Variants in ZNF567 observed in about 807,000 individuals in gnomAD.
ZNF567 encodes zinc finger protein 567.
ZNF567 carries 36 observed loss-of-function variants against 53.9 expected under a neutral mutation model. That is an observed-to-expected ratio of 0.67 (90% CI 0.51 to 0.88). The LOEUF (loss-of-function observed/expected upper bound fraction) is 0.88. Among genes scored for constraint, ZNF567 ranks in the 40% least tolerant of loss-of-function variants. The probability of loss-of-function intolerance (pLI) is 0.00; values close to 1 mark genes in which losing one functional copy is unlikely to be tolerated. For missense variants in ZNF567, 619 were observed against 764.7 expected (o/e 0.81, Z 2.25); for synonymous variants, 224 against 260.4 (o/e 0.86, Z 1.35).
At chr19:36,708,921 G>A (rs1460733729) in intron 3 of ZNF567, among the ~76,000 whole-genome samples, 2 of 152,084 alleles carry the variant, frequency 1.3e-5, no homozygotes, top group East Asian at 3.9e-4. Flanking sequence ...GATTGCCCTA[G>A]GATTACAGTA....
chr19:36,679,136 A>T, the ZNF567 span, among the ~76,000 whole-genome samples: 1 of 152,018 alleles, frequency 6.6e-6, no homozygotes, highest in Non-Finnish European at 1.5e-5. Context: ...AATACAAAAA[A>T]TTAACCAGGC....
the ZNF567 span, among the ~76,000 whole-genome samples, chr19:36,671,165 C>A: frequency 6.6e-6 from 1 of 152,158 alleles, no homozygotes; most frequent in Non-Finnish European, 1.5e-5. Flanking sequence ...GATGACATTA[C>A]ACTGATTCAA....
At chr19:36,687,187 T>TA (rs1479415707), upstream of ZNF567, 1 of 152,592 alleles carries the variant, frequency 6.6e-6, no homozygotes, top group Non-Finnish European at 1.5e-5. Context: ...TCTCAAACCC[T>TA]ACAGTGTCAC....
intron 3 of ZNF567, among the ~76,000 whole-genome samples, chr19:36,702,118 G>C (rs907782159): frequency 3.3e-5 from 5 of 151,856 alleles, no homozygotes; most frequent in African/African-American, 4.8e-5. Context: ...GGGCAGGCCT[G>C]GTGGTGACAA....
chr19:36,719,697 A>T lies in ZNF567; in HGVS notation c.973A>T (p.Thr325Ser). 6.2e-7 allele frequency: 1 copy of T among 1,613,976 alleles called. No individual in the cohort carries two copies. The highest frequency in any genetic ancestry group is 8.5e-7 in the Non-Finnish European group (1 of 1,179,986). Residue 325 changes from threonine (T) to serine (S), a missense_variant, in exon 6 of 6, where the codon ACT (threonine) becomes TCT (serine). Physicochemically the swap from Thr to Ser is moderately conservative, Grantham distance 58. Transcript: ENST00000682579. ...GKSFRLKTAL[T>S]DHQRTHTGEK... ...GTCCTTCCGCCTCAAGACAGCCCTC[A>T]CTGATCATCAGAGAACACACACAGG...
At chr19:36,682,977 GTGTGTGTGTC>G (rs1417517036), upstream of ZNF567, among the ~76,000 whole-genome samples, 1 of 151,890 alleles carries the variant, frequency 6.6e-6, no homozygotes, top group Non-Finnish European at 1.5e-5. Context: ...CTCTTTGTGT[GTGTGTGTGTC>G]TGTGTGTGTG....
At chr19:36,725,852 G>T (rs1286237122), downstream of ZNF567, among the ~76,000 whole-genome samples, 1 of 152,166 alleles carries the variant, frequency 6.6e-6, no homozygotes, top group Non-Finnish European at 1.5e-5. Context: ...TCACCGTGTT[G>T]TCCAGGCTTC....
chr19:36,712,746 G>GCC (rs1568707879), intron 4 of ZNF567, 35 bp from the exon 5 acceptor site: 1 of 1,590,978 alleles, frequency 6.3e-7, no homozygotes, highest in East Asian at 2.2e-5. Flanking sequence ...TGGTATTATA[G>GCC]CCCAATCAAC....
chr19:36,724,681 C>A (rs1425524842), downstream of ZNF567, among the ~76,000 whole-genome samples: 140 of 117,236 alleles, frequency 1.2e-3, no homozygotes, highest in South Asian at 1.5e-3. Context: ...GACTTCATCT[C>A]AAAAAAAAAA....
chr19:36,694,867 C>T lies in ZNF567; in HGVS notation c.-1C>T. 1 of 1,524,362 alleles carries T rather than the reference C, an allele frequency of 6.6e-7. No homozygotes were observed. Among genetic ancestry groups the T allele is most frequent in the Non-Finnish European group, 8.7e-7 (1 of 1,143,728 alleles). 94.4% of individuals were successfully genotyped at this position (1,524,362 alleles called of 1,614,324 possible). A position where few individuals can be genotyped will look rare whatever the true frequency, so the allele number is the denominator to read the frequency against. On this transcript the variant is annotated 5_prime_UTR_variant, in exon 3 of 6. Coordinates refer to ENST00000682579, the MANE Select transcript of ZNF567 (RefSeq NM_001322917.1). The stretch of plus-strand genomic sequence containing the variant: ...GGTCATCTCTTTCATATCTCAAAAC[C>T]ATGGCTCAGGTAAGGCGATGGTTTC...
rs1338813381 is a variant in ZNF567, at chr19:36,719,934, C to A, written c.1210C>A (p.Gln404Lys). The change falls in exon 6 of 6, where the codon CAG (glutamine) becomes AAG (lysine). Residue 404 changes from glutamine (Q) to lysine (K), a missense_variant. By Grantham distance (53) the Gln-to-Lys change is moderately conservative. Transcript: ENST00000682579. Reference protein sequence around the residue: ...ICKECGKSFHQKANLTVHQRT... With the variant: ...ICKECGKSFHKKANLTVHQRT... ...TAAAGAATGTGGGAAGTCCTTTCAC[C>A]AGAAGGCAAATCTTACTGTACATCA... The A allele has an allele frequency of 6.2e-7, 1 of 1,610,430 alleles. No individual in the cohort carries two copies. The highest frequency in any genetic ancestry group is 2.2e-5 in the East Asian group (1 of 44,620).
chr19:36,723,609 G>A (rs1430090863), downstream of ZNF567, among the ~76,000 whole-genome samples: 2 of 152,166 alleles, frequency 1.3e-5, no homozygotes, highest in Non-Finnish European at 2.9e-5. Context: ...GCCAAGGTGG[G>A]CAGATCACCT....
intron 5 of ZNF567, among the ~76,000 whole-genome samples, chr19:36,715,860 T>G (rs1422621150): frequency 6.6e-6 from 1 of 152,140 alleles, no homozygotes; most frequent in Non-Finnish European, 1.5e-5. Context: ...TACTACAAAG[T>G]CAACTTGATT....
the ZNF567 span, among the ~76,000 whole-genome samples, chr19:36,671,853 C>T: frequency 6.6e-6 from 1 of 152,198 alleles, no homozygotes; most frequent in African/African-American, 2.4e-5. Context: ...ATTGAGTGTA[C>T]ACAGCAGTAC....
At position 36,687,623 on chromosome 19, in the gene ZNF567, C is replaced by A. The variant is rs950398324; in HGVS notation, c.-179C>A. 2 of 152,446 alleles carry A rather than the reference C, an allele frequency of 1.3e-5. No individual in the cohort carries two copies. The highest frequency in any genetic ancestry group is 2.9e-5 in the Non-Finnish European group (2 of 68,222). The allele number at this position is 152,446 out of a possible 1,614,324, so 9.4% of individuals were successfully genotyped here. Reference sequence around the variant, plus strand: ...GAGTGCGCATGCGCAGACGCCCGGCCGGCAACCGAAGGTGAGGCTGGTGGG... The same window carrying A: ...GAGTGCGCATGCGCAGACGCCCGGCAGGCAACCGAAGGTGAGGCTGGTGGG... On this transcript the variant is annotated 5_prime_UTR_variant, in exon 1 of 6. Transcript: ENST00000682579.
chr19:36,671,026 C>T, the ZNF567 span, among the ~76,000 whole-genome samples: 1 of 152,174 alleles, frequency 6.6e-6, no homozygotes, highest in Non-Finnish European at 1.5e-5. Flanking sequence ...TGCTTGAACC[C>T]AGGAGGCAGA....
At chr19:36,694,349 G>A (rs1310494013) in intron 2 of ZNF567, among the ~76,000 whole-genome samples, 1 of 152,166 alleles carries the variant, frequency 6.6e-6, no homozygotes, top group Non-Finnish European at 1.5e-5. Flanking sequence ...ATGAAAAGAA[G>A]CTTCTTGTTC....
the ZNF567 span, among the ~76,000 whole-genome samples, chr19:36,680,268 C>T: frequency 0.041 from 6,179 of 152,266 alleles, 423 homozygotes; most frequent in African/African-American, 0.14. Context: ...TTAATCTCCT[C>T]TACATATACT....
At chr19:36,676,484 A>G in the ZNF567 span, among the ~76,000 whole-genome samples, 1 of 151,932 alleles carries the variant, frequency 6.6e-6, no homozygotes, top group African/African-American at 2.4e-5. Flanking sequence ...AATTCCTTCC[A>G]TATGCTGCCC....
Sources: allele counts gnomAD v4.1 joint callset (sites outside exome capture counted in the v4.1 genomes callset), GRCh38; gene constraint gnomAD v4.1.1; transcripts MANE v1.5; gene names NCBI Gene and HGNC (gene_info 2026-07-23, HGNC 2026-07-21).